The following PLCB1 variants were observed in gnomAD, a reference collection of about 807,000 sequenced individuals.
The protein encoded by PLCB1 is phospholipase C beta 1, also known as 1-phosphatidylinositol 4,5-bisphosphate phosphodiesterase beta-1.
In PLCB1, 46 loss-of-function variants were observed where a neutral mutation model predicts 161.8. That is an observed-to-expected ratio of 0.28 (90% CI 0.22 to 0.36). The LOEUF (loss-of-function observed/expected upper bound fraction) is 0.36, where lower values mean the gene tolerates loss of function less well. Ranked by LOEUF, PLCB1 falls within the 10% of genes least tolerant of loss-of-function variation. The pLI, the probability that PLCB1 is intolerant of heterozygous loss-of-function variation, is 1.00. For synonymous variants in PLCB1, 517 were observed against 503.7 expected (o/e 1.03, Z -0.35); for missense variants, 1,016 against 1,472.5 (o/e 0.69, Z 5.07).
intron 2 of PLCB1, among the ~76,000 whole-genome samples, chr20:8,342,654 C>T (rs1017756745): frequency 6.6e-6 from 1 of 152,190 alleles, no homozygotes; most frequent in African/African-American, 2.4e-5. Flanking sequence ...AAGAGCCAGT[C>T]TGCCTAGAAA....
chr20:8,403,816 A>C (rs182765460), intron 3 of PLCB1, among the ~76,000 whole-genome samples: 1 of 152,316 alleles, frequency 6.6e-6, no homozygotes, highest in Admixed American at 6.5e-5. Context: ...CAGCATCTAG[A>C]ATAGGTGCAC....
chr20:8,822,229 A>G (rs1985467686), intron 31 of PLCB1, among the ~76,000 whole-genome samples: 1 of 152,204 alleles, frequency 6.6e-6, no homozygotes, highest in Non-Finnish European at 1.5e-5. Flanking sequence ...TGGGCAATAG[A>G]AGGTTGCATA....
At chr20:8,483,846 T>G (rs1282307025) in intron 3 of PLCB1, among the ~76,000 whole-genome samples, 2 of 152,130 alleles carry the variant, frequency 1.3e-5, no homozygotes, top group Non-Finnish European at 2.9e-5. Context: ...ACAAAGTATA[T>G]AGGCAGTAAA....
At position 8,445,197 on chromosome 20, in the gene PLCB1, T is replaced by C. The variant is rs187978258; in HGVS notation, c.246+73747T>C. Among the ~76,000 whole-genome samples the C allele has an allele frequency of 5.3e-5, 8 of 152,354 alleles. No homozygotes were observed. The East Asian group carries it at 1.5e-3, about 29-fold the overall frequency. On this transcript the variant is annotated intron_variant, in intron 3 of 31. Transcript: ENST00000338037. ...GGTTTTAGGTCTGACATTTAAGTCTTTGATCCATCTTGAATTGATTTTTGT... is the reference window on the plus strand; with the variant it reads ...GGTTTTAGGTCTGACATTTAAGTCTCTGATCCATCTTGAATTGATTTTTGT...
At chr20:8,703,500 C>T (rs961242716) in intron 11 of PLCB1, among the ~76,000 whole-genome samples, 8 of 152,094 alleles carry the variant, frequency 5.3e-5, no homozygotes, top group African/African-American at 1.9e-4. Flanking sequence ...CACTTCACCT[C>T]CAGGAAGGTA....
At chr20:8,583,872 C>T (rs1986907159) in intron 3 of PLCB1, among the ~76,000 whole-genome samples, 1 of 152,098 alleles carries the variant, frequency 6.6e-6, no homozygotes. Context: ...CCATTTGTAG[C>T]TACTTAACAT....
At chr20:8,739,121 AG>A in intron 20 of PLCB1, 139 bp from the exon 21 acceptor site, 6 of 649,350 alleles carry the variant, frequency 9.2e-6, no homozygotes, top group Non-Finnish European at 1.7e-5. Flanking sequence ...ACTGCACTTC[AG>A]CCTGGGTGAC....
chr20:8,722,232 A>C, intron 14 of PLCB1, 122 bp from the exon 15 acceptor site: 1 of 655,522 alleles, frequency 1.5e-6, no homozygotes, highest in South Asian at 2.4e-5. Flanking sequence ...GAAAAAAATA[A>C]TTTTAAACAG....
intron 11 of PLCB1, among the ~76,000 whole-genome samples, chr20:8,701,128 A>G (rs1466637464): frequency 1.3e-5 from 2 of 152,178 alleles, no homozygotes; most frequent in Non-Finnish European, 2.9e-5. Flanking sequence ...TGCTTGCATG[A>G]TTATCAGCAT....
At chr20:8,186,845 A>C (rs952082903) in intron 2 of PLCB1, among the ~76,000 whole-genome samples, 3 of 152,132 alleles carry the variant, frequency 2.0e-5, no homozygotes, top group African/African-American at 7.2e-5. Flanking sequence ...GACTGGCATG[A>C]AGTTTCAGGA....
intron 9 of PLCB1, among the ~76,000 whole-genome samples, chr20:8,663,111 A>G (rs1989726535): frequency 6.6e-6 from 1 of 152,008 alleles, no homozygotes; most frequent in Non-Finnish European, 1.5e-5. Context: ...ACTTCCATAT[A>G]GCCTATACTT....
chr20:8,180,048 T>G (rs6039070), intron 2 of PLCB1, among the ~76,000 whole-genome samples: 2 of 150,804 alleles, frequency 1.3e-5, no homozygotes, highest in Admixed American at 6.6e-5. Flanking sequence ...TTAGTGGAGA[T>G]GGGGTTTCAC....
chr20:8,682,619 A>T (rs1273449005), intron 9 of PLCB1, among the ~76,000 whole-genome samples: 1 of 152,236 alleles, frequency 6.6e-6, no homozygotes, highest in Non-Finnish European at 1.5e-5. Context: ...GTGGTAAATA[A>T]TCAGTGCTAG....
At chr20:8,154,279 A>G (rs544296822) in intron 2 of PLCB1, among the ~76,000 whole-genome samples, 2 of 152,324 alleles carry the variant, frequency 1.3e-5, no homozygotes, top group African/African-American at 2.4e-5. Context: ...GTACATGTGT[A>G]TGTATCACAT....
chr20:8,392,899 A>G (rs1036589334), intron 3 of PLCB1, among the ~76,000 whole-genome samples: 4 of 152,168 alleles, frequency 2.6e-5, no homozygotes, highest in South Asian at 2.1e-4. Flanking sequence ...TATCTATGGC[A>G]TTTATCTTAT....
intron 7 of PLCB1, among the ~76,000 whole-genome samples, chr20:8,655,770 T>C (rs777762586): frequency 3.3e-5 from 5 of 152,050 alleles, no homozygotes; most frequent in South Asian, 2.1e-4. Flanking sequence ...AGCAGTGCCA[T>C]TGAGCATGTT....
chr20:8,673,527 CAT>C (rs567950991), intron 9 of PLCB1, among the ~76,000 whole-genome samples: 2 of 152,192 alleles, frequency 1.3e-5, no homozygotes, highest in Non-Finnish European at 2.9e-5. Flanking sequence ...CTTTCTTCCG[CAT>C]ATTTGTTGGA....
At chr20:8,600,963 G>A (rs573071514) in intron 3 of PLCB1, among the ~76,000 whole-genome samples, 702 of 152,174 alleles carry the variant, frequency 4.6e-3, no homozygotes, top group South Asian at 8.9e-3. Context: ...TTCAGCTCGC[G>A]CACGGTGCGC....
At chr20:8,464,732 G>A (rs1345506483) in intron 3 of PLCB1, among the ~76,000 whole-genome samples, 2 of 152,152 alleles carry the variant, frequency 1.3e-5, no homozygotes. Context: ...CTAGCTCTCA[G>A]CCACTATTGT....
Sources: allele counts gnomAD v4.1 joint callset (sites outside exome capture counted in the v4.1 genomes callset), GRCh38; gene constraint gnomAD v4.1.1; transcripts MANE v1.5; gene names NCBI Gene and HGNC (gene_info 2026-07-23, HGNC 2026-07-21).